Variants in TJP2 observed in about 807,000 individuals in gnomAD.
The protein encoded by TJP2 is Friedreich ataxia region gene X104 (tight junction protein ZO-2).
A neutral mutation model predicts 133.1 loss-of-function variants in TJP2; 91 were observed. The observed-to-expected ratio is 0.68, with a 90% CI of 0.58 to 0.81. TJP2 has a LOEUF of 0.81. TJP2 is among the 40% of genes least tolerant of loss of function. The pLI, the probability that TJP2 is intolerant of heterozygous loss-of-function variation, is 0.00. For missense variants in TJP2, 1,541 were observed against 1,565.6 expected, an observed-to-expected ratio of 0.98 and a Z score of 0.26; for synonymous variants, 592 against 583.4, an observed-to-expected ratio of 1.01 and a Z score of -0.21.
At chr9:69,159,945 GTA>G (rs1360925740) in intron 2 of TJP2, among the ~76,000 whole-genome samples, 3 of 148,886 alleles carry the variant, frequency 2.0e-5, no homozygotes, top group Non-Finnish European at 1.5e-5. Context: ...CCTAGAGTGT[GTA>G]TATATATATA....
At chr9:69,165,348 G>T (rs1824294015) in intron 2 of TJP2, among the ~76,000 whole-genome samples, 1 of 152,008 alleles carries the variant, frequency 6.6e-6, no homozygotes, top group Admixed American at 6.6e-5. Flanking sequence ...ATGTTGCCTA[G>T]GCTGGTCTTG....
rs199943912 is a variant in TJP2 at position 69,227,962 on chromosome 9, C to T, written c.1320-19C>T. The T allele has an allele frequency of 2.0e-5, 33 of 1,614,000 alleles. No homozygotes were observed. Among genetic ancestry groups the T allele is most frequent in the African/African-American group, 1.9e-4 (14 of 74,916 alleles). ...AAACTGTTATCTCTTGAGACATTTACGTATGACATGTGATTCAGTTCCAGA... is the reference window on the plus strand; with the variant it reads ...AAACTGTTATCTCTTGAGACATTTATGTATGACATGTGATTCAGTTCCAGA... On this transcript the variant is annotated intron_variant, in intron 8 of 22. Transcript: ENST00000377245.
Position 69,228,101 on chromosome 9 carries a change from AGAGGACCCC to A in TJP2, c.1441_1449del (p.Glu481_Pro483del). The A allele has an allele frequency of 1.2e-6, 2 of 1,610,806 alleles. No homozygotes were observed. Among genetic ancestry groups the A allele is most frequent in the Non-Finnish European group, 1.7e-6 (2 of 1,178,398 alleles). On this transcript the variant is annotated inframe_deletion, in exon 9 of 23. Transcript: ENST00000377245. ...AGACCAACAAGGAACCCAGATACCA[AGAGGACCCC>A]CCAGGTGAGCCATTAAGACCACTCA...
At chr9:69,245,359 A>G (rs1830848978) in intron 17 of TJP2, among the ~76,000 whole-genome samples, 1 of 152,362 alleles carries the variant, frequency 6.6e-6, no homozygotes, top group South Asian at 2.1e-4. Flanking sequence ...TGATAGTACA[A>G]TAAGAGGCCA....
intron 1 of TJP2, among the ~76,000 whole-genome samples, chr9:69,146,100 T>C (rs1823200162): frequency 6.6e-6 from 1 of 152,162 alleles, no homozygotes; most frequent in Non-Finnish European, 1.5e-5. Context: ...TTTGAAAATG[T>C]TTTTTTAACA....
At chr9:69,173,634 G>C (rs1824814032), upstream of TJP2, among the ~76,000 whole-genome samples, 1 of 152,202 alleles carries the variant, frequency 6.6e-6, no homozygotes, top group Non-Finnish European at 1.5e-5. Flanking sequence ...TTGTTGGGCT[G>C]AGAAATGTGG....
chr9:69,251,513 C>A, intron 21 of TJP2, 149 bp downstream of exon 21: 2 of 794,100 alleles, frequency 2.5e-6, no homozygotes, highest in Non-Finnish European at 2.0e-6. Flanking sequence ...CTTCAGATTG[C>A]CAGCTCCCAG....
At chr9:69,159,129 ACT>A (rs1454599597) in intron 2 of TJP2, among the ~76,000 whole-genome samples, 36 of 151,694 alleles carry the variant, frequency 2.4e-4, no homozygotes, top group Admixed American at 2.3e-3. Context: ...ACATGGAGAA[ACT>A]CTGTCTCTAC....
rs1028939833 is a variant in TJP2, at chr9:69,200,384, G to T, written c.61-12164G>T. Among the ~76,000 whole-genome samples the T allele has an allele frequency of 3.4e-4, 52 of 151,726 alleles. 1 individual carries two copies. Among genetic ancestry groups the T allele is most frequent in the Non-Finnish European group, 6.0e-4 (41 of 67,980 alleles). The stretch of plus-strand genomic sequence containing the variant: ...GTGCCATCAATTACACTGTTTTGTG[G>T]TTTTTTACACCTTTTTTTCTAGACA... On this transcript the variant is annotated intron_variant, in intron 1 of 22. Coordinates refer to ENST00000377245, the MANE Select transcript of TJP2 (RefSeq NM_004817.4).
intron 1 of TJP2, chr9:69,204,736 CGT>C (rs772019223): frequency 2.8e-3 from 2,003 of 726,624 alleles, no homozygotes; most frequent in Non-Finnish European, 3.1e-3. Flanking sequence ...TTCTAGCTGG[CGT>C]GTGTGTGTGT....
chr9:69,200,966 C>A (rs138213127), intron 1 of TJP2, among the ~76,000 whole-genome samples: 1 of 152,146 alleles, frequency 6.6e-6, no homozygotes, highest in African/African-American at 2.4e-5. Context: ...TGTGAGGAAA[C>A]GAGTTTGGCA....
chr9:69,186,123 T>C (rs770003417), intron 1 of TJP2, among the ~76,000 whole-genome samples: 1 of 152,212 alleles, frequency 6.6e-6, no homozygotes, highest in African/African-American at 2.4e-5. Context: ...CAACAGCCTG[T>C]CTGTAATGAT....
At chr9:69,248,374 C>A (rs1001999039) in intron 19 of TJP2, 150 bp downstream of exon 19, 15 of 1,444,364 alleles carry the variant, frequency 1.0e-5, no homozygotes, top group Non-Finnish European at 1.4e-5. Context: ...TGAGTCCACG[C>A]TGGCATGGTT....
intron 20 of TJP2, among the ~76,000 whole-genome samples, chr9:69,250,697 G>C (rs1831267936): frequency 6.6e-6 from 1 of 152,138 alleles, no homozygotes; most frequent in Non-Finnish European, 1.5e-5. Context: ...GAGTCCCAAA[G>C]CCTGAATTGT....
Position 69,220,887 on chromosome 9 carries a change from G to A in TJP2, c.343G>A (p.Val115Met), listed in dbSNP as rs1295394801. The change falls in exon 5 of 23, where the codon GTG (valine) becomes ATG (methionine). Residue 115 changes from valine to methionine, a missense_variant and splice_region_variant. Val to Met is a conservative substitution (Grantham distance 21, BLOSUM62 1). Transcript: ENST00000377245. ...LRKSGKVAAI[V>M]VKRPRKVQVA... ...CACACTGAGTTTGTTTTGACAACAGGTGGTCAAGAGGCCCCGGAAGGTCCA... is the reference window on the plus strand; with the variant it reads ...CACACTGAGTTTGTTTTGACAACAGATGGTCAAGAGGCCCCGGAAGGTCCA... 3 of 1,612,128 alleles carry A rather than the reference G, an allele frequency of 1.9e-6. No homozygotes were observed. Among genetic ancestry groups the A allele is most frequent in the East Asian group, 2.2e-5 (1 of 44,898 alleles).
At chr9:69,233,126 C>T (rs1829914586) in intron 11 of TJP2, among the ~76,000 whole-genome samples, 1 of 152,200 alleles carries the variant, frequency 6.6e-6, no homozygotes, top group Non-Finnish European at 1.5e-5. Flanking sequence ...CAGAGAGGTA[C>T]AAATGACAGT....
chr9:69,248,087 G>T lies in TJP2; in HGVS notation c.2743G>T (p.Asp915Tyr). The change falls in exon 19 of 23, where the codon GAC (aspartate) becomes TAC (tyrosine). Residue 915 changes from aspartate to tyrosine, a missense_variant. Transcript: ENST00000377245. ...CATGGGCGCGGACTATCTGAGTTGC[G>T]ACAGCCGCCTCATCAGTGACTTTGA... ...TAMGADYLSC[D>Y]SRLISDFEDT... The T allele has an allele frequency of 6.2e-7, 1 of 1,614,104 alleles. No individual in the cohort carries two copies. Among genetic ancestry groups the T allele is most frequent in the South Asian group, 1.1e-5 (1 of 91,066 alleles).
At chr9:69,168,996 G>A (rs2132897242) in intron 2 of TJP2, among the ~76,000 whole-genome samples, 2 of 151,812 alleles carry the variant, frequency 1.3e-5, no homozygotes, top group South Asian at 2.1e-4. Context: ...AGGAAGATGG[G>A]TGGAGCCAGG....
rs142847960 is a variant in TJP2 at position 69,216,436 on chromosome 9, C to T, written c.212C>T (p.Pro71Leu). 2.8e-5 allele frequency: 46 copies of T among 1,614,118 alleles called. No individual in the cohort carries two copies. The highest frequency in any genetic ancestry group is 2.5e-4 in the African/African-American group (19 of 75,028). Residue 71 changes from proline (P) to leucine (L), a missense_variant, in exon 3 of 23, where the codon CCG (proline) becomes CTG (leucine). Coordinates refer to ENST00000377245, the MANE Select transcript of TJP2 (RefSeq NM_004817.4). ...TCAATTGTCATTTCTGATGTGCTCC[C>T]GGGTGGGCCTGCTGATGGGCTGCTC... The part of the protein sequence containing the change: ...ETSIVISDVL[P>L]GGPADGLLQE...
Sources: allele counts gnomAD v4.1 joint callset (sites outside exome capture counted in the v4.1 genomes callset), GRCh38; gene constraint gnomAD v4.1.1; transcripts MANE v1.5; gene names NCBI Gene and HGNC (gene_info 2026-07-23, HGNC 2026-07-21).